The following XKR5 variants were observed in gnomAD, a reference collection of about 807,000 sequenced individuals.
XKR5 encodes XK-related protein 5.
XKR5 carries 46 observed loss-of-function variants against 40.8 expected under a neutral mutation model. That is an observed-to-expected ratio of 1.13 (90% CI 0.89 to 1.44). The LOEUF (loss-of-function observed/expected upper bound fraction) is 1.44. XKR5 is among the 40% of genes most tolerant of loss of function. XKR5 has a pLI of 0.00. For synonymous variants in XKR5, 466 were observed against 356.1 expected (o/e 1.31, Z -3.48); for missense variants, 1,169 against 844.7 (o/e 1.38, Z -4.76).
At chr8:6,828,961 G>T (rs893561472) in intron 2 of XKR5, among the ~76,000 whole-genome samples, 6 of 152,016 alleles carry the variant, frequency 3.9e-5, no homozygotes, top group Non-Finnish European at 8.8e-5. Context: ...ACCACTTCTG[G>T]CACGCATCTA....
chr8:6,811,067 G>T lies in XKR5; in HGVS notation c.*131C>A. ...CCCTGTTTCTTCATTTTTCAGGGAT[G>T]CAGATGGAGATTCAGAGGTGACAGT... On this transcript the variant is annotated 3_prime_UTR_variant, in exon 7 of 7. Transcript: ENST00000618742. 1 of 931,460 alleles carries T rather than the reference G, an allele frequency of 1.1e-6. No homozygotes were observed. Among genetic ancestry groups the T allele is most frequent in the Non-Finnish European group, 1.6e-6 (1 of 641,816 alleles). 57.7% of individuals were successfully genotyped at this position (931,460 alleles called of 1,614,324 possible). A position where few individuals can be genotyped will look rare whatever the true frequency, so the allele number is the denominator to read the frequency against.
At chr8:6,821,747 A>C in intron 5 of XKR5, 122 bp downstream of exon 5, 2 of 821,856 alleles carry the variant, frequency 2.4e-6, no homozygotes, top group Non-Finnish European at 3.5e-6. Flanking sequence ...AAACTAAGCT[A>C]TTCCTTTTCA....
At chr8:6,813,274 G>A (rs570786524) in intron 6 of XKR5, among the ~76,000 whole-genome samples, 1 of 152,214 alleles carries the variant, frequency 6.6e-6, no homozygotes, top group Non-Finnish European at 1.5e-5. Flanking sequence ...CTCTGCAGTA[G>A]GTCCTGCTCA....
intron 3 of XKR5, among the ~76,000 whole-genome samples, chr8:6,824,236 T>C (rs1804363482): frequency 1.3e-5 from 2 of 151,862 alleles, no homozygotes; most frequent in Admixed American, 6.6e-5. Context: ...TGTGAAGCAT[T>C]TAATTTGTGC....
intron 6 of XKR5, among the ~76,000 whole-genome samples, chr8:6,813,751 C>T (rs1055327641): frequency 2.6e-5 from 4 of 152,176 alleles, no homozygotes; most frequent in African/African-American, 4.8e-5. Context: ...TGGCTATGGA[C>T]TCCCTACTCA....
intron 1 of XKR5, among the ~76,000 whole-genome samples, chr8:6,835,210 G>A (rs1458207516): frequency 6.6e-6 from 1 of 151,960 alleles, no homozygotes; most frequent in Non-Finnish European, 1.5e-5. Context: ...CATGGGTGGA[G>A]GAAAATCATG....
intron 3 of XKR5, 83 bp downstream of exon 3, chr8:6,825,078 CGAAG>C: frequency 6.6e-7 from 1 of 1,517,498 alleles, no homozygotes; most frequent in African/African-American, 1.4e-5. Context: ...GAGGAAATCT[CGAAG>C]GGAGGGTTTT....
At chr8:6,823,294 G>A (rs960233447) in intron 4 of XKR5, among the ~76,000 whole-genome samples, 1 of 152,130 alleles carries the variant, frequency 6.6e-6, no homozygotes, top group Non-Finnish European at 1.5e-5. Flanking sequence ...CCAGTTCCTT[G>A]CCATTGCAAT....
chr8:6,816,424 C>T (rs766517906), intron 5 of XKR5, among the ~76,000 whole-genome samples: 2 of 151,984 alleles, frequency 1.3e-5, no homozygotes, highest in Admixed American at 6.6e-5. Context: ...CAGCCGGAGA[C>T]GGGAGCTCGC....
chr8:6,818,581 C>T (rs1302208586), intron 5 of XKR5, among the ~76,000 whole-genome samples: 1 of 152,226 alleles, frequency 6.6e-6, no homozygotes, highest in African/African-American at 2.4e-5. Context: ...CAGGCTTCCG[C>T]CTCTGAGCAG....
At chr8:6,831,497 C>T (rs1487325641) in intron 2 of XKR5, among the ~76,000 whole-genome samples, 4 of 152,124 alleles carry the variant, frequency 2.6e-5, no homozygotes, top group African/African-American at 7.2e-5. Flanking sequence ...CTGGGCGGGA[C>T]GGCACCATTC....
At chr8:6,817,326 C>A (rs1323798680) in intron 5 of XKR5, among the ~76,000 whole-genome samples, 1 of 152,188 alleles carries the variant, frequency 6.6e-6, no homozygotes, top group Non-Finnish European at 1.5e-5. Flanking sequence ...TGCCACTTAG[C>A]GCAAGTTTTC....
chr8:6,824,007 C>T (rs913164224), intron 3 of XKR5, among the ~76,000 whole-genome samples: 1 of 152,214 alleles, frequency 6.6e-6, no homozygotes, highest in Admixed American at 6.5e-5. Flanking sequence ...ATGGGCTGGA[C>T]TCTTCCTTTC....
At chr8:6,828,805 C>T (rs1169972310) in intron 2 of XKR5, among the ~76,000 whole-genome samples, 2 of 152,180 alleles carry the variant, frequency 1.3e-5, no homozygotes, top group African/African-American at 4.8e-5. Flanking sequence ...CAACAGGTCT[C>T]CAATGCCTGA....
chr8:6,830,403 GCTGT>G (rs1804708771), intron 2 of XKR5, among the ~76,000 whole-genome samples: 1 of 152,198 alleles, frequency 6.6e-6, no homozygotes, highest in Non-Finnish European at 1.5e-5. Flanking sequence ...TGGATCCACT[GCTGT>G]CTATTTTAAC....
At chr8:6,832,987 G>A in intron 1 of XKR5, 87 bp from the exon 2 acceptor site, 1 of 1,225,488 alleles carries the variant, frequency 8.2e-7, no homozygotes, top group South Asian at 1.8e-5. Flanking sequence ...AACATTTTCT[G>A]GATGTTATGA....
At chr8:6,825,454 C>A in intron 2 of XKR5, 105 bp from the exon 3 acceptor site, 1 of 1,148,154 alleles carries the variant, frequency 8.7e-7, no homozygotes, top group Non-Finnish European at 1.2e-6. Context: ...ATATCCTATG[C>A]CCTTACTAGT....
chr8:6,825,778 A>G (rs1019299024), intron 2 of XKR5, among the ~76,000 whole-genome samples: 2 of 152,138 alleles, frequency 1.3e-5, no homozygotes, highest in Non-Finnish European at 2.9e-5. Flanking sequence ...GAAGGACAAA[A>G]AGTAGAAAAA....
At chr8:6,828,426 G>A (rs954326777) in intron 2 of XKR5, among the ~76,000 whole-genome samples, 1 of 152,278 alleles carries the variant, frequency 6.6e-6, no homozygotes, top group Non-Finnish European at 1.5e-5. Context: ...GCTGAGTTGT[G>A]GGGCTACTCT....
Sources: allele counts gnomAD v4.1 joint callset (sites outside exome capture counted in the v4.1 genomes callset), GRCh38; gene constraint gnomAD v4.1.1; transcripts MANE v1.5; gene names NCBI Gene and HGNC (gene_info 2026-07-23, HGNC 2026-07-21).